The following FCHSD2 variants were observed in gnomAD, a reference collection of about 807,000 sequenced individuals.
FCHSD2 encodes F-BAR and double SH3 domains protein 2.
Under a neutral mutation model 108.1 loss-of-function variants are expected in FCHSD2, and 38 were observed. The ratio of observed to expected loss-of-function variants is 0.35; its 90% CI spans 0.27 to 0.46. The LOEUF is 0.46. Ranked by LOEUF, FCHSD2 falls within the 20% of genes least tolerant of loss-of-function variation. The probability of loss-of-function intolerance (pLI) is 1.00; values close to 1 mark genes in which losing one functional copy is unlikely to be tolerated. For missense variants in FCHSD2, 751 were observed against 897.8 expected, an observed-to-expected ratio of 0.84 and a Z score of 2.09; for synonymous variants, 279 against 314.7, an observed-to-expected ratio of 0.89 and a Z score of 1.20.
chr11:73,141,709 A>G, intron 1 of FCHSD2, 148 bp downstream of exon 1: 1 of 820,782 alleles, frequency 1.2e-6, no homozygotes, highest in South Asian at 1.8e-5. Flanking sequence ...CGCGCCCCCC[A>G]CCTGGAGCCG....
At chr11:73,022,970 T>C (rs1306487408) in intron 3 of FCHSD2, among the ~76,000 whole-genome samples, 1 of 152,088 alleles carries the variant, frequency 6.6e-6, no homozygotes, top group Non-Finnish European at 1.5e-5. Context: ...CAAGTGATGC[T>C]AGAACAATTG....
intron 8 of FCHSD2, among the ~76,000 whole-genome samples, chr11:72,957,364 C>T (rs1345473847): frequency 6.6e-6 from 1 of 151,202 alleles, no homozygotes; most frequent in African/African-American, 2.4e-5. Context: ...GACATGAACT[C>T]ATCATTTTTT....
intron 3 of FCHSD2, among the ~76,000 whole-genome samples, chr11:73,056,497 A>C (rs1303892030): frequency 1.3e-5 from 2 of 152,204 alleles, no homozygotes; most frequent in East Asian, 3.8e-4. Context: ...GTTTAGGTAC[A>C]TTTGTCTCTT....
intron 2 of FCHSD2, among the ~76,000 whole-genome samples, chr11:73,105,946 A>C (rs1860332176): frequency 6.6e-6 from 1 of 152,222 alleles, no homozygotes; most frequent in Non-Finnish European, 1.5e-5. Context: ...TACCTGGCAG[A>C]AGCAAGGCCT....
At chr11:73,115,785 G>A (rs535779758) in intron 2 of FCHSD2, among the ~76,000 whole-genome samples, 1 of 152,334 alleles carries the variant, frequency 6.6e-6, no homozygotes, top group East Asian at 1.9e-4. Flanking sequence ...AGATACCTCA[G>A]TTTTGTTCCT....
chr11:73,071,827 C>T (rs1859443997), intron 3 of FCHSD2, among the ~76,000 whole-genome samples: 1 of 152,024 alleles, frequency 6.6e-6, no homozygotes, highest in African/African-American at 2.4e-5. Context: ...ACTACTGTAT[C>T]CCTCAAAGGT....
At chr11:72,901,868 T>TTTTTTTTG (rs1247876158) in intron 10 of FCHSD2, among the ~76,000 whole-genome samples, 1 of 152,048 alleles carries the variant, frequency 6.6e-6, no homozygotes, top group Non-Finnish European at 1.5e-5. Flanking sequence ...TATTCTGGTT[T>TTTTTTTTG]TTTTTTTGTT....
intron 12 of FCHSD2, among the ~76,000 whole-genome samples, chr11:72,879,962 G>A (rs553751162): frequency 2.1e-4 from 29 of 137,982 alleles, no homozygotes; most frequent in Non-Finnish European, 3.3e-4. Flanking sequence ...TCGCGCCATC[G>A]CATTCCAGCC....
chr11:73,038,021 C>A (rs2135459470), intron 3 of FCHSD2, among the ~76,000 whole-genome samples: 1 of 152,198 alleles, frequency 6.6e-6, no homozygotes, highest in East Asian at 1.9e-4. Context: ...AAGCTTTTTC[C>A]ACAAACAAGT....
At chr11:73,084,882 A>G (rs572051889) in intron 2 of FCHSD2, among the ~76,000 whole-genome samples, 10 of 152,000 alleles carry the variant, frequency 6.6e-5, no homozygotes, top group Non-Finnish European at 1.3e-4. Flanking sequence ...TAAAGACTTT[A>G]CCGTTATGTG....
intron 10 of FCHSD2, among the ~76,000 whole-genome samples, chr11:72,902,172 G>A (rs535268681): frequency 2.0e-5 from 3 of 152,272 alleles, no homozygotes; most frequent in Admixed American, 6.5e-5. Flanking sequence ...ACAGCGCACG[G>A]CCTACTCTGG....
chr11:72,916,685 T>C (rs1855880495), intron 9 of FCHSD2, among the ~76,000 whole-genome samples: 1 of 152,210 alleles, frequency 6.6e-6, no homozygotes, highest in East Asian at 1.9e-4. Context: ...ATTCTGAATA[T>C]GAAACTTTTA....
At chr11:73,083,325 C>T (rs1362563245) in intron 3 of FCHSD2, among the ~76,000 whole-genome samples, 6 of 152,138 alleles carry the variant, frequency 3.9e-5, no homozygotes, top group African/African-American at 7.2e-5. Flanking sequence ...CCAAGGCGGA[C>T]GGATCATAAG....
Position 73,086,198 on chromosome 11 carries a change from C to T in FCHSD2, c.120-2458G>A, listed in dbSNP as rs180955809. On this transcript the variant is annotated intron_variant, in intron 2 of 19. Coordinates refer to ENST00000409418, the MANE Select transcript of FCHSD2 (RefSeq NM_014824.3). ...TAGAGGTGGGTGGATCACTTGAGGC[C>T]AGGAGTTTAAGACAGGCCTGGCCAA... is the stretch of plus-strand genomic sequence containing the variant. Among the ~76,000 whole-genome samples the T allele has an allele frequency of 3.9e-5, 6 of 152,256 alleles. No individual in the cohort carries two copies. The East Asian group carries it at 1.2e-3, about 29-fold the overall frequency.
chr11:72,949,304 G>A (rs1856578867), intron 8 of FCHSD2, among the ~76,000 whole-genome samples: 4 of 152,002 alleles, frequency 2.6e-5, no homozygotes, highest in African/African-American at 4.8e-5. Context: ...ACAAAAATTA[G>A]CTGGGCGTGG....
At chr11:73,111,605 T>C (rs554130476) in intron 2 of FCHSD2, among the ~76,000 whole-genome samples, 1 of 152,294 alleles carries the variant, frequency 6.6e-6, no homozygotes, top group African/African-American at 2.4e-5. Flanking sequence ...TTACATTCAA[T>C]GTTGTTACTG....
intron 2 of FCHSD2, among the ~76,000 whole-genome samples, chr11:73,092,000 A>G (rs1859970545): frequency 6.6e-6 from 1 of 152,062 alleles, no homozygotes; most frequent in Non-Finnish European, 1.5e-5. Flanking sequence ...GTGCCACTGC[A>G]CTCCAGCCTG....
chr11:72,983,566 A>G (rs575731166), intron 8 of FCHSD2, among the ~76,000 whole-genome samples: 1 of 152,336 alleles, frequency 6.6e-6, no homozygotes, highest in Admixed American at 6.5e-5. Flanking sequence ...GATACACTAT[A>G]AAAATATATT....
chr11:72,993,555 T>G (rs977225323), intron 5 of FCHSD2, among the ~76,000 whole-genome samples: 2 of 152,148 alleles, frequency 1.3e-5, no homozygotes, highest in Non-Finnish European at 2.9e-5. Flanking sequence ...GTGGCACATA[T>G]ACACCATGGA....
Sources: gnomAD v4.1 joint callset for allele counts (sites outside exome capture counted in the v4.1 genomes callset) on GRCh38, gnomAD v4.1.1 for gene constraint, MANE v1.5 for transcripts, NCBI Gene and HGNC (gene_info 2026-07-23, HGNC 2026-07-21) for gene names.